Variants in RRN3 observed in about 807,000 individuals in gnomAD.
RRN3 encodes RNA polymerase I transcription factor RRN3.
A neutral mutation model predicts 82.3 loss-of-function variants in RRN3; 38 were observed. That is an observed-to-expected ratio of 0.46 (90% CI 0.36 to 0.61). The LOEUF (loss-of-function observed/expected upper bound fraction) is 0.61, where lower values mean the gene tolerates loss of function less well. Ranked by LOEUF, RRN3 falls within the 20% of genes least tolerant of loss-of-function variation. The probability of loss-of-function intolerance (pLI) is 0.00; values close to 1 mark genes in which losing one functional copy is unlikely to be tolerated. For missense variants in RRN3, 726 were observed against 793.1 expected (o/e 0.92, Z 1.02); for synonymous variants, 284 against 284.3 (o/e 1.00, Z 0.01).
intron 8 of RRN3, among the ~76,000 whole-genome samples, chr16:15,082,714 C>G (rs1276303760): frequency 6.6e-6 from 1 of 151,910 alleles, no homozygotes; most frequent in Non-Finnish European, 1.5e-5. Flanking sequence ...TTCTTAACAT[C>G]AGTCGCACTT....
At chr16:15,088,737 G>A (rs1269941149) in intron 3 of RRN3, among the ~76,000 whole-genome samples, 1 of 152,154 alleles carries the variant, frequency 6.6e-6, no homozygotes, top group Non-Finnish European at 1.5e-5. Flanking sequence ...ACTGAAAAAC[G>A]TTCAGTATGG....
rs1009226081 is a variant in RRN3, at chr16:15,060,349, T to C, written c.*1395A>G. ...AGAAAACCACCCATATCCAAAACTT[T>C]AAAGCAATAAAAATTTCTATTTTCC... On this transcript the variant is annotated 3_prime_UTR_variant, in exon 18 of 18. Transcript: ENST00000198767. 5.0e-6 allele frequency: 1 copy of C among 201,534 alleles called. No individual in the cohort carries two copies. Among genetic ancestry groups the C allele is most frequent in the South Asian group, 6.7e-5 (1 of 14,846 alleles). The allele number at this position is 201,534 out of a possible 1,614,324, so 12.5% of individuals were successfully genotyped here. A position where few individuals can be genotyped will look rare whatever the true frequency, so the allele number is the denominator to read the frequency against.
intron 3 of RRN3, among the ~76,000 whole-genome samples, chr16:15,087,840 C>T (rs1026013548): frequency 8.5e-5 from 13 of 152,110 alleles, no homozygotes; most frequent in African/African-American, 2.7e-4. Context: ...TCAGGCTGGG[C>T]GTGGTAGCTC....
intron 8 of RRN3, among the ~76,000 whole-genome samples, chr16:15,080,732 TA>T (rs2045662601): frequency 1.3e-5 from 2 of 152,304 alleles, no homozygotes; most frequent in South Asian, 2.1e-4. Context: ...AGCAATTTTG[TA>T]ACATTTTAAT....
intron 3 of RRN3, among the ~76,000 whole-genome samples, chr16:15,086,810 C>A (rs1480670238): frequency 1.3e-5 from 2 of 152,152 alleles, no homozygotes; most frequent in African/African-American, 4.8e-5. Flanking sequence ...CACAAAGGAA[C>A]AATAGCTACC....
At chr16:15,081,459 G>A (rs1322774587) in intron 8 of RRN3, among the ~76,000 whole-genome samples, 1 of 152,124 alleles carries the variant, frequency 6.6e-6, no homozygotes, top group Non-Finnish European at 1.5e-5. Context: ...GGCTAATGAT[G>A]TTGAGCTTCT....
chr16:15,070,069 CCTT>C lies in RRN3; in HGVS notation c.1442_1444del (p.Glu481del). Reference sequence around the variant, plus strand: ...CAGTCCAGCACTCCCACAACACTGACCTTCTTTCAGGTTTCCGCTCAAAAGCTG... The same window carrying C: ...CAGTCCAGCACTCCCACAACACTGACCTTTCAGGTTTCCGCTCAAAAGCTG... On this transcript the variant is annotated inframe_deletion and splice_region_variant, in exon 14 of 18. Coordinates refer to ENST00000198767, the MANE Select transcript of RRN3 (RefSeq NM_018427.5). The C allele has an allele frequency of 6.5e-7, 1 of 1,529,916 alleles. No individual in the cohort carries two copies. Among genetic ancestry groups the C allele is most frequent in the Non-Finnish European group, 9.0e-7 (1 of 1,116,142 alleles). The allele number at this position is 1,529,916 out of a possible 1,614,324, so 94.8% of individuals were successfully genotyped here. A position where few individuals can be genotyped will look rare whatever the true frequency, so the allele number is the denominator to read the frequency against.
chr16:15,078,822 T>TG (rs1279165990), intron 9 of RRN3, among the ~76,000 whole-genome samples: 1 of 150,436 alleles, frequency 6.6e-6, no homozygotes, highest in East Asian at 1.9e-4. Context: ...CTTTTTTTTT[T>TG]TTTTTTTGAG....
rs1232375202 is a variant in RRN3 at position 15,074,962 on chromosome 16, CAAAG to C, written c.859-105_859-102del. Reference sequence around the variant, plus strand: ...TGATTATTTCCCTTAAAAGATAAAACAAAGAGGCTGGGGAAAGCGGCTCACATCT... The same window carrying C: ...TGATTATTTCCCTTAAAAGATAAAACAGGCTGGGGAAAGCGGCTCACATCT... On this transcript the variant is annotated intron_variant, in intron 10 of 17. Coordinates refer to ENST00000198767, the MANE Select transcript of RRN3 (RefSeq NM_018427.5). 8 of 1,237,746 alleles carry C rather than the reference CAAAG, an allele frequency of 6.5e-6. No individual in the cohort carries two copies. The East Asian group carries it at 1.8e-4, about 28-fold the overall frequency. 76.7% of individuals were successfully genotyped at this position (1,237,746 alleles called of 1,614,324 possible).
chr16:15,072,129 A>G (rs1019010121), intron 12 of RRN3, among the ~76,000 whole-genome samples: 38 of 152,110 alleles, frequency 2.5e-4, no homozygotes, highest in Middle Eastern at 3.4e-3. Flanking sequence ...AGCTAGGCAC[A>G]CCCATGTGGG....
chr16:15,072,598 T>G (rs1485344972), intron 12 of RRN3, among the ~76,000 whole-genome samples: 1 of 151,070 alleles, frequency 6.6e-6, no homozygotes, highest in African/African-American at 2.4e-5. Context: ...TGGTCAGGAG[T>G]TCAAGACCAG....
At chr16:15,076,336 G>A (rs1382001580) in intron 10 of RRN3, 17 of 600,160 alleles carry the variant, frequency 2.8e-5, no homozygotes, top group Admixed American at 5.9e-5. Flanking sequence ...GAACAAAAGT[G>A]AAACATACTT....
At chr16:15,088,848 G>T (rs886421222) in intron 3 of RRN3, among the ~76,000 whole-genome samples, 50 of 152,076 alleles carry the variant, frequency 3.3e-4, no homozygotes, top group Non-Finnish European at 6.6e-4. Flanking sequence ...TGTAACTAGA[G>T]AGATCTGGAA....
At chr16:15,070,293 T>C in intron 13 of RRN3, 39 bp from the exon 14 acceptor site, 1 of 1,606,156 alleles carries the variant, frequency 6.2e-7, no homozygotes, top group Non-Finnish European at 8.5e-7. Context: ...TTACACATCA[T>C]AAAAAAACCA....
At chr16:15,088,148 G>C (rs1305685566) in intron 3 of RRN3, among the ~76,000 whole-genome samples, 2 of 151,860 alleles carry the variant, frequency 1.3e-5, no homozygotes, top group Non-Finnish European at 2.9e-5. Context: ...ATCAGTTGCA[G>C]ACTTTGATGC....
intron 8 of RRN3, 81 bp downstream of exon 8, chr16:15,083,432 A>C (rs1259210971): frequency 1.3e-6 from 2 of 1,570,194 alleles, no homozygotes; most frequent in Non-Finnish European, 1.7e-6. Flanking sequence ...ACTGGAAAAG[A>C]AAGAAAAAGA....
rs2045845490 is a variant in RRN3, at chr16:15,084,685, T to C, written c.553A>G (p.Thr185Ala). The change falls in exon 7 of 18, where the codon ACA becomes GCA. Residue 185 changes from threonine to alanine, a missense_variant. Around this residue, in one of 4 missense-constraint regions of RRN3, gnomAD observed 344 missense variants for 394.5 expected, o/e 0.87. Transcript: ENST00000198767. Reference sequence around the variant, plus strand: ...ATTATTTGCAAGGCTCTGTGACATGTGTCAAAATTTGCAGGAAGATCTGAA... The same window carrying C: ...ATTATTTGCAAGGCTCTGTGACATGCGTCAAAATTTGCAGGAAGATCTGAA... ...EDDNLPANFD[T>A]CHRALQIIAR... The C allele has an allele frequency of 1.9e-6, 3 of 1,613,120 alleles. No homozygotes were observed. In the East Asian group the frequency reaches 6.7e-5, roughly 36 times the overall value.
At chr16:15,075,290 G>C (rs2045405276) in intron 10 of RRN3, among the ~76,000 whole-genome samples, 2 of 150,844 alleles carry the variant, frequency 1.3e-5, no homozygotes, top group Non-Finnish European at 2.9e-5. Flanking sequence ...CAAAGAAATG[G>C]ACCACGCACA....
At chr16:15,093,157 A>T (rs1284898215) in intron 1 of RRN3, among the ~76,000 whole-genome samples, 1 of 152,144 alleles carries the variant, frequency 6.6e-6, no homozygotes, top group African/African-American at 2.4e-5. Context: ...GGCACCTGCC[A>T]CCATGCCCGG....
Sources: allele counts gnomAD v4.1 joint callset (sites outside exome capture counted in the v4.1 genomes callset), GRCh38; gene constraint gnomAD v4.1.1; regional missense constraint gnomAD v4.1.1; transcripts MANE v1.5; gene names NCBI Gene and HGNC (gene_info 2026-07-23, HGNC 2026-07-21).